Variants in PIGR observed in about 807,000 individuals in gnomAD.
The protein encoded by PIGR is hepatocellular carcinoma associated protein TB6.
A neutral mutation model predicts 69.5 loss-of-function variants in PIGR; 22 were observed. The ratio of observed to expected loss-of-function variants is 0.32; its 90% CI spans 0.23 to 0.45. The LOEUF (loss-of-function observed/expected upper bound fraction) is 0.45, where lower values mean the gene tolerates loss of function less well. Ranked by LOEUF, PIGR falls within the 20% of genes least tolerant of loss-of-function variation. The pLI is 1.00. For synonymous variants in PIGR, 413 were observed against 407.6 expected, an observed-to-expected ratio of 1.01 and a Z score of -0.16; for missense variants, 885 against 974.0, an observed-to-expected ratio of 0.91 and a Z score of 1.22.
rs1679725491 is a variant in PIGR at position 206,930,886 on chromosome 1, A to C, written c.2200-473T>G. On this transcript the variant is annotated intron_variant, in intron 10 of 10. Transcript: ENST00000356495. The surrounding 1 kb of genome is among the most constrained non-coding windows in gnomAD (Gnocchi z 4.3). ...TCAAGAAAAAGTAGATATGATAAAA[A>C]CAACAACAACAACAACAAAAACTCT... 1.1e-5 allele frequency: 11 copies of C among 984,808 alleles called. No homozygotes were observed. Among genetic ancestry groups the C allele is most frequent in the Non-Finnish European group, 1.2e-5 (10 of 829,354 alleles). The allele number at this position is 984,808 out of a possible 1,614,324, so 61.0% of individuals were successfully genotyped here.
At position 206,933,157 on chromosome 1, in the gene PIGR, T is replaced by G. The variant is rs776330830; in HGVS notation, c.1715A>C (p.Asp572Ala). The change falls in exon 7 of 11, where the codon GAT becomes GCT. Residue 572 changes from aspartate (D) to alanine (A), a missense_variant. Transcript: ENST00000356495. ...VEERKAAGSR[D>A]VSLAKADAAP... ...AGCGTCTGCCTTCGCTAGGCTGACA[T>G]CGCGGGACCCTGCAGCAGGGAAGAG... 1 of 1,614,114 alleles carries G rather than the reference T, an allele frequency of 6.2e-7. No homozygotes were observed. Among genetic ancestry groups the G allele is most frequent in the Non-Finnish European group, 8.5e-7 (1 of 1,180,008 alleles).
intron 5 of PIGR, 130 bp from the exon 6 acceptor site, chr1:206,934,876 T>A (rs1679834188): frequency 3.6e-6 from 2 of 556,244 alleles, no homozygotes. Context: ...TTTTTGTTTT[T>A]GAGACAAGGT....
In PIGR at chr1:206,937,618, C is replaced by T; in HGVS notation, c.522G>A (p.Val174=). The T allele has an allele frequency of 1.2e-6, 2 of 1,613,906 alleles. No individual in the cohort carries two copies. Among genetic ancestry groups the T allele is most frequent in the East Asian group, 2.2e-5 (1 of 44,890 alleles). Residue 174 remains valine (V), a synonymous_variant, in exon 4 of 11, where the codon GTG becomes GTA. Transcript: ENST00000356495. ...SLYKQIGLYP[V]LVIDSSGYVN... is the part of the protein sequence containing the mutation. ...CATAACCACTGGAGTCGATGACCAG[C>T]ACAGGGTACAGGCCTATCTGCTTGT... is the stretch of plus-strand genomic sequence containing the variant.
intron 6 of PIGR, 46 bp from the exon 7 acceptor site, chr1:206,933,212 T>C: frequency 1.9e-6 from 3 of 1,590,672 alleles, no homozygotes; most frequent in Non-Finnish European, 2.6e-6. Flanking sequence ...TTCTCTATGC[T>C]CTTACTCCTC....
At position 206,937,502 on chromosome 1, in the gene PIGR, C is replaced by T; in HGVS notation, c.638G>A (p.Ser213Asn). The change falls in exon 4 of 11, where the codon AGC (serine) becomes AAC (asparagine). Residue 213 changes from serine to asparagine, a missense_variant. Physicochemically the swap from Ser to Asn is conservative, Grantham distance 46. Coordinates refer to ENST00000356495, the MANE Select transcript of PIGR (RefSeq NM_002644.4). Reference sequence around the variant, plus strand: ...CTGGCAGAGATACTGCCCAGCATCGCTGAGCCTGAGTTGGTTGATGACAAC... The same window carrying T: ...CTGGCAGAGATACTGCCCAGCATCGTTGAGCCTGAGTTGGTTGATGACAAC... ...FSVVINQLRL[S>N]DAGQYLCQAG... 2 of 1,614,214 alleles carry T rather than the reference C, an allele frequency of 1.2e-6. No individual in the cohort carries two copies. The highest frequency in any genetic ancestry group is 2.2e-5 in the South Asian group (2 of 91,082).
chr1:206,933,357 T>A (rs1679799529), intron 6 of PIGR, among the ~76,000 whole-genome samples, 191 bp from the exon 7 acceptor site: 1 of 152,214 alleles, frequency 6.6e-6, no homozygotes. Context: ...AGATGATCTC[T>A]GCCCCATTAC....
rs375243508 is a variant in PIGR at position 206,930,336 on chromosome 1, G to A, written c.2277C>T (p.Asp759=). 6.8e-6 allele frequency: 11 copies of A among 1,611,372 alleles called. No individual in the cohort carries two copies. Among genetic ancestry groups the A allele is most frequent in the East Asian group, 2.2e-5 (1 of 44,616 alleles). ...QSSTVAAEAQ[D]GPQEA is the part of the protein sequence containing the mutation. ...ACACCGTCTAGGCTTCCTGGGGGCC[G>A]TCCTGGGCCTCGGCGGCCACGGTGC... Residue 759 remains aspartate (D), a synonymous_variant, in exon 11 of 11, where the codon GAC becomes GAT. Coordinates refer to ENST00000356495, the MANE Select transcript of PIGR (RefSeq NM_002644.4). This position sits in a 1 kb window ranked among gnomAD's most constrained non-coding sequence, Gnocchi z 4.3.
rs291101 is a variant in PIGR, at chr1:206,932,463, C to T, written c.2001G>A (p.Lys667=). The T allele has an allele frequency of 4.2e-5, 67 of 1,611,214 alleles. No individual in the cohort carries two copies. In the African/African-American group the frequency reaches 8.3e-4, roughly 20 times the overall value. ...AVGVARARHR[K]NVDRVSIRSY... ...AGTATCCCAGGGACTCACCGACGTT[C>T]TTCCTGTGCCGGGCTCTGGCCACCC... Residue 667 remains lysine, a synonymous_variant, in exon 8 of 11, where the codon AAG becomes AAA. Transcript: ENST00000356495.
At chr1:206,936,327 A>G (rs988299963) in intron 4 of PIGR, among the ~76,000 whole-genome samples, 6 of 152,226 alleles carry the variant, frequency 3.9e-5, no homozygotes, top group African/African-American at 1.4e-4. Flanking sequence ...GCCATTCTCC[A>G]GGCAGCTAAA....
At chr1:206,932,912 G>T in intron 7 of PIGR, 74 bp downstream of exon 7, 1 of 1,465,776 alleles carries the variant, frequency 6.8e-7, no homozygotes. Context: ...TTTCCTCCTT[G>T]GACCTGGTGG....
At chr1:206,933,238 G>T in intron 6 of PIGR, 72 bp from the exon 7 acceptor site, 1 of 1,472,944 alleles carries the variant, frequency 6.8e-7, no homozygotes, top group Non-Finnish European at 9.3e-7. Flanking sequence ...GAAGGAGTCT[G>T]GGGGAGACTT....
In PIGR at chr1:206,934,574, G is replaced by T; in HGVS notation, c.1551C>A (p.Phe517Leu). Reference protein sequence around the residue: ...PSQDEGPSKAFVNCDENSRLV... With the variant: ...PSQDEGPSKALVNCDENSRLV... ...GCCGGCTGTTCTCGTCACAGTTCAC[G>T]AAGGCCTTGCTGGGGCCTTCGTCTT... The change falls in exon 6 of 11, where the codon TTC becomes TTA. Residue 517 changes from phenylalanine to leucine, a missense_variant. Phe to Leu is a conservative substitution (Grantham distance 22, BLOSUM62 0). Coordinates refer to ENST00000356495, the MANE Select transcript of PIGR (RefSeq NM_002644.4). 1 of 1,614,234 alleles carries T rather than the reference G, an allele frequency of 6.2e-7. No homozygotes were observed. The highest frequency in any genetic ancestry group is 8.5e-7 in the Non-Finnish European group (1 of 1,180,048).
rs945086795 is a variant in PIGR, at chr1:206,931,870, T to C, written c.2009-68A>G. The C allele has an allele frequency of 3.8e-5, 61 of 1,586,132 alleles. No homozygotes were observed. The African/African-American group carries it at 7.5e-4, about 20-fold the overall frequency. ...GACCTAGAAGGCCAGGCTGGGCTGC[T>C]TCTCTCTGGGCGGATCCACTGTAGC... On this transcript the variant is annotated intron_variant, in intron 8 of 10. Transcript: ENST00000356495.
At position 206,935,635 on chromosome 1, in the gene PIGR, T is replaced by C; in HGVS notation, c.1229A>G (p.Glu410Gly). The change falls in exon 5 of 11, where the codon GAG becomes GGG. Residue 410 changes from glutamate to glycine, a missense_variant. By Grantham distance (98) the Glu-to-Gly change is moderately conservative (BLOSUM62 -2). Transcript: ENST00000356495. This position sits in a 1 kb window ranked among gnomAD's most constrained non-coding sequence, Gnocchi z 4.4. The stretch of plus-strand genomic sequence containing the variant: ...CTCCTCCAGCAGGGAGAGGCGGCCC[T>C]CGTACTGGGCCTTAACCCACCCCTC... ...DSEGWVKAQY[E>G]GRLSLLEEPG... 3 of 1,614,030 alleles carry C rather than the reference T, an allele frequency of 1.9e-6. No individual in the cohort carries two copies. Among genetic ancestry groups the C allele is most frequent in the Non-Finnish European group, 2.5e-6 (3 of 1,179,948 alleles).
At chr1:206,940,388 C>G (rs910368406) in intron 2 of PIGR, 101 bp downstream of exon 2, 250 of 1,133,702 alleles carry the variant, frequency 2.2e-4, no homozygotes, top group Non-Finnish European at 3.0e-4. Flanking sequence ...GAGGGACATC[C>G]CTGGGGATGA....
Position 206,935,655 on chromosome 1 carries a change from C to G in PIGR, c.1209G>C (p.Gly403=). 1 of 1,613,968 alleles carries G rather than the reference C, an allele frequency of 6.2e-7. No homozygotes were observed. The highest frequency in any genetic ancestry group is 8.5e-7 in the Non-Finnish European group (1 of 1,179,962). ...GRCPLLVDSE[G]WVKAQYEGRL... ...GGCCCTCGTACTGGGCCTTAACCCA[C>G]CCCTCGCTGTCCACCAGCAGGGGGC... Residue 403 remains glycine (G), a synonymous_variant, in exon 5 of 11, where the codon GGG becomes GGC. Transcript: ENST00000356495. The surrounding 1 kb of genome is among the most constrained non-coding windows in gnomAD (Gnocchi z 4.4).
chr1:206,941,443 A>G (rs1254765459), intron 1 of PIGR, among the ~76,000 whole-genome samples: 1 of 152,176 alleles, frequency 6.6e-6, no homozygotes, highest in Non-Finnish European at 1.5e-5. Context: ...AAGCACTACC[A>G]TTTACATTAT....
In PIGR at chr1:206,939,417, A is replaced by G; in HGVS notation, c.90T>C (p.Ser30=). 2 of 1,612,606 alleles carry G rather than the reference A, an allele frequency of 1.2e-6. No individual in the cohort carries two copies. Among genetic ancestry groups the G allele is most frequent in the Non-Finnish European group, 1.7e-6 (2 of 1,178,682 alleles). The part of the protein sequence containing the change: ...SPIFGPEEVN[S]VEGNSVSITC... Reference sequence around the variant, plus strand: ...TGATGGACACTGAGTTACCTTCCACACTATTCACCTCCTCGGGACCAAATA... The same window carrying G: ...TGATGGACACTGAGTTACCTTCCACGCTATTCACCTCCTCGGGACCAAATA... Residue 30 remains serine, a synonymous_variant, in exon 3 of 11, where the codon AGT becomes AGC. Coordinates refer to ENST00000356495, the MANE Select transcript of PIGR (RefSeq NM_002644.4).
At chr1:206,944,365 C>A (rs1299440990) in intron 1 of PIGR, among the ~76,000 whole-genome samples, 4 of 152,060 alleles carry the variant, frequency 2.6e-5, no homozygotes, top group African/African-American at 9.7e-5. Flanking sequence ...CCCAGCTACT[C>A]AGGAGGCTGA....
Sources: gnomAD v4.1 joint callset for allele counts (sites outside exome capture counted in the v4.1 genomes callset) on GRCh38, gnomAD v4.1.1 for gene constraint, Gnocchi (gnomAD v3.1) non-coding constraint, MANE v1.5 for transcripts, NCBI Gene and HGNC (gene_info 2026-07-23, HGNC 2026-07-21) for gene names.